Variants in MAPKAP1 observed in about 807,000 individuals in gnomAD.
MAPKAP1 encodes target of rapamycin complex 2 subunit MAPKAP1.
Under a neutral mutation model 65.7 loss-of-function variants are expected in MAPKAP1, and 20 were observed. The observed-to-expected ratio is 0.30, with a 90% CI of 0.21 to 0.44. The LOEUF is 0.44. MAPKAP1 is among the 20% of genes least tolerant of loss of function. The pLI is 1.00. For missense variants in MAPKAP1, 423 were observed against 648.0 expected, an observed-to-expected ratio of 0.65 and a Z score of 3.77; for synonymous variants, 222 against 244.3, an observed-to-expected ratio of 0.91 and a Z score of 0.85.
chr9:125,586,631 C>T (rs931281373), intron 4 of MAPKAP1, among the ~76,000 whole-genome samples: 1 of 151,972 alleles, frequency 6.6e-6, no homozygotes, highest in Non-Finnish European at 1.5e-5. Flanking sequence ...CTCTTGAGAC[C>T]CAGGCCATCC....
In MAPKAP1 at chr9:125,593,756, C is replaced by A. The variant is rs915561279; in HGVS notation, c.499-8029G>T. Among the ~76,000 whole-genome samples, 9 of 152,312 alleles carry A rather than the reference C, an allele frequency of 5.9e-5. No individual in the cohort carries two copies. The East Asian group carries it at 9.6e-4, about 16-fold the overall frequency. Reference sequence around the variant, plus strand: ...AGAGCAGCTCCTAAATCAGGAAATGCCCCCAAGGCAGGTTTGAGAACAAAC... The same window carrying A: ...AGAGCAGCTCCTAAATCAGGAAATGACCCCAAGGCAGGTTTGAGAACAAAC... On this transcript the variant is annotated intron_variant, in intron 4 of 11. Coordinates refer to ENST00000265960, the MANE Select transcript of MAPKAP1 (RefSeq NM_001006617.3).
At position 125,535,929 on chromosome 9, in the gene MAPKAP1, C is replaced by T. The variant is rs566984033; in HGVS notation, c.958+7130G>A. Among the ~76,000 whole-genome samples, 8 of 152,178 alleles carry T rather than the reference C, an allele frequency of 5.3e-5. No homozygotes were observed. In the East Asian group the frequency reaches 7.7e-4, roughly 15 times the overall value. On this transcript the variant is annotated intron_variant, in intron 7 of 11. Coordinates refer to ENST00000265960, the MANE Select transcript of MAPKAP1 (RefSeq NM_001006617.3). ...CCTTTCAGTCTGCTTTTTCATTAAT[C>T]GAATCCACACTTATGACTGCCCAGA...
rs747623370 is a variant in MAPKAP1, at chr9:125,444,612, A to G, written c.1346-14T>C. 6.3e-7 allele frequency: 1 copy of G among 1,597,926 alleles called. No homozygotes were observed. The highest frequency in any genetic ancestry group is 1.1e-5 in the South Asian group (1 of 90,364). ...ATATTGCGTGACCTGCAGAGACAGA[A>G]AACTGTGTTGAGGGGTTCTGGTGAG... On this transcript the variant is annotated splice_polypyrimidine_tract_variant and intron_variant, in intron 10 of 11. Coordinates refer to ENST00000265960, the MANE Select transcript of MAPKAP1 (RefSeq NM_001006617.3).
intron 4 of MAPKAP1, among the ~76,000 whole-genome samples, chr9:125,631,382 G>A (rs923870808): frequency 4.6e-5 from 7 of 152,202 alleles, no homozygotes; most frequent in African/African-American, 1.7e-4. Context: ...GCCATGCAGA[G>A]CATCTTCTAC....
rs118073609 is a variant in MAPKAP1, at chr9:125,700,074, C to T, written c.-70+6897G>A. ...TGTCCCCATTTTGCAGACTGTCCAG[C>T]TTACAGACTGACAAAGCCAATAATC... is the stretch of plus-strand genomic sequence containing the variant. On this transcript the variant is annotated intron_variant, in intron 1 of 11. Coordinates refer to ENST00000265960, the MANE Select transcript of MAPKAP1 (RefSeq NM_001006617.3). Among the ~76,000 whole-genome samples the T allele has an allele frequency of 8.1e-4, 124 of 152,330 alleles. 2 individuals carry two copies. The East Asian group carries it at 0.023, about 28-fold the overall frequency.
chr9:125,705,576 C>T (rs932732450), intron 1 of MAPKAP1, among the ~76,000 whole-genome samples: 1 of 152,184 alleles, frequency 6.6e-6, no homozygotes, highest in African/African-American at 2.4e-5. Flanking sequence ...AAGACTGAAT[C>T]TTATATTTAT....
chr9:125,559,050 A>T (rs1293970297), intron 6 of MAPKAP1: 3 of 152,272 alleles, frequency 2.0e-5, no homozygotes, highest in African/African-American at 4.8e-5. Flanking sequence ...CTACTAGTAA[A>T]GCCACACATA....
intron 4 of MAPKAP1, among the ~76,000 whole-genome samples, chr9:125,587,646 C>A (rs565876358): frequency 3.9e-5 from 6 of 151,990 alleles, no homozygotes; most frequent in Non-Finnish European, 5.9e-5. Context: ...ATCAAAAGAA[C>A]GGGAGAAAAT....
At chr9:125,468,442 T>C (rs576715668) in intron 9 of MAPKAP1, among the ~76,000 whole-genome samples, 2 of 152,360 alleles carry the variant, frequency 1.3e-5, no homozygotes, top group African/African-American at 2.4e-5. Flanking sequence ...TATCTCTATA[T>C]TGTAATGAAA....
At position 125,657,700 on chromosome 9, in the gene MAPKAP1, G is replaced by C. The variant is rs758985439; in HGVS notation, c.449C>G (p.Pro150Arg). The change falls in exon 4 of 12, where the codon CCT becomes CGT. Residue 150 changes from proline (P) to arginine (R), a missense_variant. Pro to Arg is a moderately radical substitution (Grantham distance 103). This residue lies in a region of MAPKAP1 where 67 missense variants were observed against 69.6 expected (regional missense o/e 0.96). Coordinates refer to ENST00000265960, the MANE Select transcript of MAPKAP1 (RefSeq NM_001006617.3). Reference sequence around the variant, plus strand: ...GTTAAAAGGGTTATTCAGCTGCAGAGGGCACTGTTCTAGGCGTACAGATAA... The same window carrying C: ...GTTAAAAGGGTTATTCAGCTGCAGACGGCACTGTTCTAGGCGTACAGATAA... ...SILSVRLEQC[P>R]LQLNNPFNEY... 1 of 1,613,722 alleles carries C rather than the reference G, an allele frequency of 6.2e-7. No individual in the cohort carries two copies. The highest frequency in any genetic ancestry group is 8.5e-7 in the Non-Finnish European group (1 of 1,179,814).
intron 1 of MAPKAP1, 105 bp downstream of exon 1, chr9:125,706,866 G>A (rs1010531136): frequency 1.1e-5 from 4 of 364,096 alleles, no homozygotes; most frequent in African/African-American, 8.4e-5. Context: ...CCCGGCAGGC[G>A]GCCCGCCGGG....
intron 6 of MAPKAP1, among the ~76,000 whole-genome samples, chr9:125,548,702 TTAA>T (rs1484770511): frequency 1.2e-4 from 18 of 152,192 alleles, no homozygotes; most frequent in African/African-American, 4.3e-4. Context: ...AGATAAATGC[TTAA>T]TAAACAGTTA....
chr9:125,682,044 G>A (rs139398756), intron 1 of MAPKAP1, among the ~76,000 whole-genome samples: 115 of 152,278 alleles, frequency 7.6e-4, no homozygotes, highest in African/African-American at 2.6e-3. Context: ...TCACAGGCAT[G>A]AGCCACTGTG....
chr9:125,489,287 A>G (rs1854614159), intron 8 of MAPKAP1, among the ~76,000 whole-genome samples: 1 of 152,092 alleles, frequency 6.6e-6, no homozygotes, highest in African/African-American at 2.4e-5. Flanking sequence ...AACAAAAGCC[A>G]CACTGTGTTC....
chr9:125,558,605 A>G (rs78293774), intron 6 of MAPKAP1, among the ~76,000 whole-genome samples: 1 of 152,188 alleles, frequency 6.6e-6, no homozygotes, highest in Non-Finnish European at 1.5e-5. Flanking sequence ...TTGAGCAGTG[A>G]ATTTGCTGGT....
chr9:125,671,332 T>C (rs829320), intron 2 of MAPKAP1, among the ~76,000 whole-genome samples: 137,983 of 152,230 alleles, frequency 0.91, 63,964 homozygotes, highest in East Asian at 1. Flanking sequence ...GAACCAAAAC[T>C]TGAATGTGCC....
chr9:125,439,232 C>T lies in MAPKAP1; in HGVS notation c.1444-220G>A, dbSNP rs113032998. Among the ~76,000 whole-genome samples the T allele has an allele frequency of 0.014, 2,209 of 152,360 alleles. 17 individuals carry two copies. The highest frequency in any genetic ancestry group is 0.042 in the South Asian group (201 of 4,830). On this transcript the variant is annotated intron_variant, in intron 11 of 11. Transcript: ENST00000265960. This position sits in a 1 kb window ranked among gnomAD's most constrained non-coding sequence, Gnocchi z 4.0. Reference sequence around the variant, plus strand: ...ACAGAGGCTTGGAGAAGCCAAGTGGCCAGTCCAGGCTTCCCAGTCAGTGAG... The same window carrying T: ...ACAGAGGCTTGGAGAAGCCAAGTGGTCAGTCCAGGCTTCCCAGTCAGTGAG...
Position 125,615,145 on chromosome 9 carries a change from A to G in MAPKAP1, c.499-29418T>C, listed in dbSNP as rs142174319. On this transcript the variant is annotated intron_variant, in intron 4 of 11. Coordinates refer to ENST00000265960, the MANE Select transcript of MAPKAP1 (RefSeq NM_001006617.3). ...CACTATAATTTAAATAAAATCTTGA[A>G]AGTAGAATTTAAAAATATATTTAAT... Among the ~76,000 whole-genome samples the G allele has an allele frequency of 3.9e-3, 596 of 152,296 alleles. 3 individuals are homozygous for G. The highest frequency in any genetic ancestry group is 6.7e-3 in the Non-Finnish European group (458 of 68,008).
intron 10 of MAPKAP1, among the ~76,000 whole-genome samples, chr9:125,450,881 C>T (rs1852922142): frequency 6.6e-6 from 1 of 152,206 alleles, no homozygotes; most frequent in African/African-American, 2.4e-5. Flanking sequence ...CTGGTTGGGT[C>T]TCCTCTCCAC....
Sources: gnomAD v4.1 joint callset for allele counts (sites outside exome capture counted in the v4.1 genomes callset) on GRCh38, gnomAD v4.1.1 for gene constraint, gnomAD v4.1.1 regional missense constraint, Gnocchi (gnomAD v3.1) non-coding constraint, MANE v1.5 for transcripts, NCBI Gene and HGNC (gene_info 2026-07-23, HGNC 2026-07-21) for gene names.